PGCKA1: variants seen among roughly 807,000 people sequenced by gnomAD.
The protein encoded by PGCKA1 is PDCD10 and GCKIII kinases-associated protein 1.
At chr4:37,496,798 G>T in the PGCKA1 span, among the ~76,000 whole-genome samples, 2 of 151,990 alleles carry the variant, frequency 1.3e-5, no homozygotes, top group African/African-American at 4.8e-5. Flanking sequence ...AGTTTTCATT[G>T]TAGAGATCTT....
the PGCKA1 span, among the ~76,000 whole-genome samples, chr4:37,555,126 G>T: frequency 6.6e-6 from 1 of 152,116 alleles, no homozygotes; most frequent in East Asian, 1.9e-4. Context: ...ACTCCAAATT[G>T]CCACATCCAG....
At chr4:37,501,974 T>C in the PGCKA1 span, among the ~76,000 whole-genome samples, 1 of 152,182 alleles carries the variant, frequency 6.6e-6, no homozygotes, top group Admixed American at 6.5e-5. Flanking sequence ...TGGTTTCATT[T>C]CTGGAAGGTT....
the PGCKA1 span, among the ~76,000 whole-genome samples, chr4:37,486,033 A>G: frequency 1.3e-5 from 2 of 152,230 alleles, no homozygotes; most frequent in Non-Finnish European, 2.9e-5. Context: ...TTAATTTGAG[A>G]CGGATATGTC....
At chr4:37,522,809 A>G in the PGCKA1 span, among the ~76,000 whole-genome samples, 3 of 151,578 alleles carry the variant, frequency 2.0e-5, no homozygotes, top group Admixed American at 1.3e-4. Context: ...GGGCCTCAGG[A>G]CTCTGACAGC....
chr4:37,577,519 T>A, the PGCKA1 span, among the ~76,000 whole-genome samples: 1 of 152,112 alleles, frequency 6.6e-6, no homozygotes, highest in Non-Finnish European at 1.5e-5. Context: ...AAAAAACCAA[T>A]CTTTTGTTGA....
chr4:37,470,209 T>C, the PGCKA1 span, among the ~76,000 whole-genome samples: 1 of 152,188 alleles, frequency 6.6e-6, no homozygotes, highest in African/African-American at 2.4e-5. Flanking sequence ...TGTTTTTTGA[T>C]TCATAAAGTT....
chr4:37,455,841 C>T, the PGCKA1 span, among the ~76,000 whole-genome samples: 1 of 152,214 alleles, frequency 6.6e-6, no homozygotes, highest in Non-Finnish European at 1.5e-5. Context: ...ACAGCCCGCT[C>T]TTGGTGCCCG....
At chr4:37,527,998 A>C in the PGCKA1 span, among the ~76,000 whole-genome samples, 1 of 152,172 alleles carries the variant, frequency 6.6e-6, no homozygotes, top group Admixed American at 6.5e-5. Flanking sequence ...ACACGACAAA[A>C]TCACCTAATG....
the PGCKA1 span, among the ~76,000 whole-genome samples, chr4:37,480,390 G>A: frequency 5.3e-5 from 8 of 152,366 alleles, no homozygotes; most frequent in East Asian, 1.5e-3. Flanking sequence ...TTACCTGGGA[G>A]ACTGAAGCAG....
the PGCKA1 span, among the ~76,000 whole-genome samples, chr4:37,488,268 A>C: frequency 6.6e-6 from 1 of 152,192 alleles, no homozygotes; most frequent in African/African-American, 2.4e-5. Flanking sequence ...TTCCTAAAAG[A>C]CTAGTTTCAA....
chr4:37,580,902 T>C, the PGCKA1 span, among the ~76,000 whole-genome samples: 1 of 152,168 alleles, frequency 6.6e-6, no homozygotes, highest in Non-Finnish European at 1.5e-5. Flanking sequence ...TCCTTAGAGA[T>C]CTACCTGGTG....
the PGCKA1 span, among the ~76,000 whole-genome samples, chr4:37,556,269 GTTT>G: frequency 1.2e-4 from 12 of 98,022 alleles, no homozygotes; most frequent in Admixed American, 6.0e-4. Context: ...GTTTTGTTTT[GTTT>G]TTTTGTTTTT....
the PGCKA1 span, among the ~76,000 whole-genome samples, chr4:37,486,574 C>T: frequency 6.6e-6 from 1 of 152,094 alleles, no homozygotes; most frequent in Non-Finnish European, 1.5e-5. Context: ...TTGCCAAACT[C>T]GGGCAGCCAT....
the PGCKA1 span, among the ~76,000 whole-genome samples, chr4:37,585,777 A>T: frequency 5.3e-5 from 8 of 152,040 alleles, no homozygotes; most frequent in African/African-American, 1.9e-4. Context: ...GAAATGGGGT[A>T]GTTTAAGAGT....
chr4:37,566,749 A>G, the PGCKA1 span, among the ~76,000 whole-genome samples: 1 of 151,634 alleles, frequency 6.6e-6, no homozygotes, highest in African/African-American at 2.4e-5. Context: ...CCCAGCTAAT[A>G]TTTGTATTTT....
chr4:37,453,779 T>C, the PGCKA1 span, among the ~76,000 whole-genome samples: 1 of 151,956 alleles, frequency 6.6e-6, no homozygotes, highest in South Asian at 2.1e-4. Flanking sequence ...ATGTCGGACA[T>C]CGTACTCCAG....
the PGCKA1 span, among the ~76,000 whole-genome samples, chr4:37,540,050 A>C: frequency 6.6e-6 from 1 of 152,248 alleles, no homozygotes; most frequent in Non-Finnish European, 1.5e-5. Flanking sequence ...GAAGTGGGAC[A>C]CGAAGTTGTA....
At chr4:37,495,981 A>G in the PGCKA1 span, among the ~76,000 whole-genome samples, 3 of 152,108 alleles carry the variant, frequency 2.0e-5, no homozygotes, top group Non-Finnish European at 4.4e-5. Context: ...TGTCAGATGC[A>G]TTGTCAGATG....
the PGCKA1 span, among the ~76,000 whole-genome samples, chr4:37,457,527 G>C: frequency 1.3e-5 from 2 of 152,202 alleles, no homozygotes; most frequent in African/African-American, 2.4e-5. Context: ...ACTAGTTGTG[G>C]AGTAGATGTC....
Sources: gnomAD v4.1 joint callset for allele counts (sites outside exome capture counted in the v4.1 genomes callset) on GRCh38, gnomAD v4.1.1 for gene constraint, MANE v1.5 for transcripts, NCBI Gene and HGNC (gene_info 2026-07-23, HGNC 2026-07-21) for gene names.